Variants in ZNF804B observed in about 807,000 individuals in gnomAD.
The protein encoded by ZNF804B is zinc finger 804B.
Under a neutral mutation model 101.4 loss-of-function variants are expected in ZNF804B, and 80 were observed. That is an observed-to-expected ratio of 0.79 (90% CI 0.66 to 0.95). ZNF804B has a LOEUF of 0.95. Among genes scored for constraint, ZNF804B ranks in the 40% least tolerant of loss-of-function variants. The pLI is 0.00. For synonymous variants in ZNF804B, 622 were observed against 558.8 expected (o/e 1.11, Z -1.59); for missense variants, 1,673 against 1,561.9 (o/e 1.07, Z -1.20).
intron 1 of ZNF804B, among the ~76,000 whole-genome samples, chr7:88,954,591 T>G (rs964280806): frequency 2.0e-5 from 3 of 151,568 alleles, no homozygotes; most frequent in African/African-American, 7.3e-5. Flanking sequence ...AGCAGATATT[T>G]AATGCACCTG....
intron 1 of ZNF804B, among the ~76,000 whole-genome samples, chr7:88,908,187 C>A (rs1321299049): frequency 2.0e-5 from 3 of 151,680 alleles, no homozygotes; most frequent in Non-Finnish European, 4.4e-5. Context: ...TGATATTATT[C>A]TGAGATCTTT....
intron 1 of ZNF804B, among the ~76,000 whole-genome samples, chr7:89,205,831 C>T (rs1788706531): frequency 6.6e-6 from 1 of 152,178 alleles, no homozygotes; most frequent in African/African-American, 2.4e-5. Flanking sequence ...TAGGCAGTTT[C>T]CCAGTGGGGA....
intron 1 of ZNF804B, among the ~76,000 whole-genome samples, chr7:89,021,011 C>T (rs752818465): frequency 4.6e-5 from 7 of 152,036 alleles, no homozygotes; most frequent in Admixed American, 6.6e-5. Flanking sequence ...CTTTTGGATA[C>T]GTAATATTTT....
chr7:89,135,914 A>C (rs1283828096), intron 1 of ZNF804B, among the ~76,000 whole-genome samples: 1 of 152,132 alleles, frequency 6.6e-6, no homozygotes, highest in African/African-American at 2.4e-5. Flanking sequence ...AAAGAATATA[A>C]AGCTATCTTT....
chr7:89,121,167 G>T (rs547413943), intron 1 of ZNF804B, among the ~76,000 whole-genome samples: 1 of 152,302 alleles, frequency 6.6e-6, no homozygotes, highest in Admixed American at 6.5e-5. Context: ...TGACACATTG[G>T]TAGAGAGCTC....
chr7:88,911,417 T>A (rs887651939), intron 1 of ZNF804B, among the ~76,000 whole-genome samples: 1 of 149,266 alleles, frequency 6.7e-6, no homozygotes, highest in African/African-American at 2.4e-5. Context: ...TATCATTATA[T>A]AAGTAGTTAT....
intron 2 of ZNF804B, among the ~76,000 whole-genome samples, chr7:89,278,826 C>T (rs1389555737): frequency 5.9e-5 from 9 of 151,560 alleles, no homozygotes; most frequent in South Asian, 2.1e-4. Context: ...ATTGACTTGG[C>T]GATGCAGGCT....
chr7:89,186,689 AC>A (rs1383216416), intron 1 of ZNF804B, among the ~76,000 whole-genome samples: 2 of 151,930 alleles, frequency 1.3e-5, no homozygotes, highest in Non-Finnish European at 2.9e-5. Flanking sequence ...TTCCTGGTAA[AC>A]CCTCTTTCAG....
intron 1 of ZNF804B, among the ~76,000 whole-genome samples, chr7:88,973,407 T>C (rs1793565626): frequency 6.6e-6 from 1 of 151,332 alleles, no homozygotes; most frequent in Non-Finnish European, 1.5e-5. Context: ...TGGTATGTTT[T>C]CTGTAAATCT....
chr7:89,246,983 A>T (rs949916688), intron 2 of ZNF804B, among the ~76,000 whole-genome samples: 14 of 152,102 alleles, frequency 9.2e-5, no homozygotes, highest in African/African-American at 3.4e-4. Flanking sequence ...TTGCCCCACC[A>T]TTCCTGTGAG....
chr7:89,209,528 A>C (rs911692368), intron 1 of ZNF804B, among the ~76,000 whole-genome samples: 1 of 152,218 alleles, frequency 6.6e-6, no homozygotes, highest in African/African-American at 2.4e-5. Flanking sequence ...TGCAATTGCC[A>C]CTCTCCATTA....
chr7:89,165,491 T>C (rs28705243), intron 1 of ZNF804B, among the ~76,000 whole-genome samples: 25,665 of 152,074 alleles, frequency 0.17, 2,237 homozygotes, highest in Admixed American at 0.22. Context: ...GAAAGCTTTT[T>C]TGGCACATTT....
chr7:88,772,904 G>T (rs1239030108), intron 1 of ZNF804B, among the ~76,000 whole-genome samples: 1 of 152,098 alleles, frequency 6.6e-6, no homozygotes, highest in Non-Finnish European at 1.5e-5. Context: ...TGGGGGGAAG[G>T]TCTTGAATGG....
At chr7:88,814,010 A>G (rs1350501289) in intron 1 of ZNF804B, among the ~76,000 whole-genome samples, 1 of 152,188 alleles carries the variant, frequency 6.6e-6, no homozygotes, top group African/African-American at 2.4e-5. Flanking sequence ...AACAGAGATA[A>G]GACACTTCTG....
Position 89,133,032 on chromosome 7 carries a change from C to T in ZNF804B, c.109-85123C>T, listed in dbSNP as rs1370308878. Among the ~76,000 whole-genome samples the T allele has an allele frequency of 2.0e-5, 3 of 152,064 alleles. No individual in the cohort carries two copies. The East Asian group carries it at 5.8e-4, about 30-fold the overall frequency. On this transcript the variant is annotated intron_variant, in intron 1 of 3. Transcript: ENST00000333190. ...GTTTTTATCTGCTGCATTATAATGCCTTAACCTAAATCTAAGAGGGCTCTG... is the reference window on the plus strand; with the variant it reads ...GTTTTTATCTGCTGCATTATAATGCTTTAACCTAAATCTAAGAGGGCTCTG...
rs201896419 is a variant in ZNF804B at position 89,254,626 on chromosome 7, A to ATTTATT, written c.249+36350_249+36355dup. 5.1e-3 allele frequency among the ~76,000 whole-genome samples: 760 copies of ATTTATT among 149,878 alleles called. 8 individuals are homozygous for ATTTATT. The highest frequency in any genetic ancestry group is 0.018 in the African/African-American group (738 of 40,534). On this transcript the variant is annotated intron_variant, in intron 2 of 3. Coordinates refer to ENST00000333190, the MANE Select transcript of ZNF804B (RefSeq NM_181646.5). Reference sequence around the variant, plus strand: ...AAAGGATGAAAACAGCCAGGACACTATTTATTTTTATTTTTATTTTTATTA... The same window carrying ATTTATT: ...AAAGGATGAAAACAGCCAGGACACTATTTATTTTTATTTTTATTTTTATTTTTATTA...
intron 1 of ZNF804B, among the ~76,000 whole-genome samples, chr7:89,053,766 T>G (rs967577): frequency 0.3 from 44,765 of 151,592 alleles, 6,947 homozygotes; most frequent in East Asian, 0.52. Flanking sequence ...GATTGTATAC[T>G]CTTATGCACT....
At chr7:88,973,740 A>T (rs1316491793) in intron 1 of ZNF804B, among the ~76,000 whole-genome samples, 3 of 149,802 alleles carry the variant, frequency 2.0e-5, no homozygotes, top group Admixed American at 1.3e-4. Context: ...TCAGTGTTAA[A>T]CTTAATAGTC....
rs146457637 is a variant in ZNF804B, at chr7:89,173,078, G to C, written c.109-45077G>C. On this transcript the variant is annotated intron_variant, in intron 1 of 3. Transcript: ENST00000333190. ...CTCCTGGGGTATGAATTAATCCTTT[G>C]AACCTTTCTGTTTCACATTATTTAA... Among the ~76,000 whole-genome samples, 352 of 152,148 alleles carry C rather than the reference G, an allele frequency of 2.3e-3. 5 individuals are homozygous for C. The highest frequency in any genetic ancestry group is 0.014 in the Admixed American group (215 of 15,258).
Sources: allele counts gnomAD v4.1 joint callset (sites outside exome capture counted in the v4.1 genomes callset), GRCh38; gene constraint gnomAD v4.1.1; transcripts MANE v1.5; gene names NCBI Gene and HGNC (gene_info 2026-07-23, HGNC 2026-07-21).